The following COL21A1 variants were observed in gnomAD, a reference collection of about 807,000 sequenced individuals.
COL21A1 encodes collagen type XXI alpha 1 chain, also known as collagen alpha-1(XXI) chain.
In COL21A1, 149 loss-of-function variants were observed where a neutral mutation model predicts 137.9. The observed-to-expected ratio is 1.08, with a 90% CI of 0.95 to 1.24. The LOEUF (loss-of-function observed/expected upper bound fraction) is 1.24. Ranked by LOEUF, COL21A1 falls within the 50% of genes most tolerant of loss-of-function variation. The probability of loss-of-function intolerance (pLI) is 0.00; values close to 1 mark genes in which losing one functional copy is unlikely to be tolerated. For missense variants in COL21A1, 1,167 were observed against 1,158.4 expected (o/e 1.01, Z -0.11); for synonymous variants, 456 against 391.5 (o/e 1.16, Z -1.95).
intron 1 of COL21A1, among the ~76,000 whole-genome samples, chr6:56,215,627 C>A (rs747152701): frequency 6.6e-6 from 1 of 152,020 alleles, no homozygotes; most frequent in Non-Finnish European, 1.5e-5. Context: ...TCTCTAAAAG[C>A]AAGGATAAAT....
intron 1 of COL21A1, among the ~76,000 whole-genome samples, chr6:56,211,823 T>TA (rs1314702713): frequency 2.0e-5 from 3 of 152,104 alleles, no homozygotes; most frequent in African/African-American, 7.2e-5. Flanking sequence ...TAAGCCAGCC[T>TA]AATTAATAAA....
intron 27 of COL21A1, 68 bp from the exon 28 acceptor site, chr6:56,060,286 T>A: frequency 1.5e-6 from 2 of 1,312,706 alleles, no homozygotes; most frequent in Non-Finnish European, 2.1e-6. Flanking sequence ...ATATTTTTAA[T>A]TTTTTTCAGT....
chr6:56,309,246 G>A lies in COL21A1; in HGVS notation c.-39+84725C>T, dbSNP rs114850399. On this transcript the variant is annotated intron_variant, in intron 1 of 28. Transcript: ENST00000370819. ...AGTAGAGACAGGGTTTCACCATGTT[G>A]GCTAGGATGGTCTTATCTCCTGACC... Among the ~76,000 whole-genome samples the A allele has an allele frequency of 8.5e-3, 1,286 of 152,120 alleles. 9 individuals are homozygous for A. The highest frequency in any genetic ancestry group is 0.014 in the Non-Finnish European group (939 of 67,992).
chr6:56,343,532 ACTAT>A (rs1185054720), intron 1 of COL21A1, among the ~76,000 whole-genome samples: 2 of 152,198 alleles, frequency 1.3e-5, no homozygotes, highest in Non-Finnish European at 1.5e-5. Context: ...TGGGTGAATG[ACTAT>A]CTGTTTTTGT....
At chr6:56,120,927 C>T (rs1772448517) in intron 16 of COL21A1, among the ~76,000 whole-genome samples, 1 of 152,074 alleles carries the variant, frequency 6.6e-6, no homozygotes, top group Admixed American at 6.6e-5. Context: ...GTGTTTCTGG[C>T]AGCACTTACA....
At chr6:56,081,243 T>C (rs1582273635) in intron 17 of COL21A1, among the ~76,000 whole-genome samples, 2 of 151,718 alleles carry the variant, frequency 1.3e-5, no homozygotes, top group Non-Finnish European at 2.9e-5. Flanking sequence ...GCTTTTTCTT[T>C]TTTCTTTTTT....
chr6:56,298,465 C>G (rs1764208230), intron 1 of COL21A1, among the ~76,000 whole-genome samples: 1 of 151,910 alleles, frequency 6.6e-6, no homozygotes, highest in South Asian at 2.1e-4. Flanking sequence ...GAATCAGAAG[C>G]AGTTGAGTTT....
chr6:56,059,266 T>G, intron 28 of COL21A1, 24 bp from the exon 29 acceptor site: 4 of 1,511,138 alleles, frequency 2.6e-6, no homozygotes, highest in Non-Finnish European at 3.6e-6. Flanking sequence ...AACATCTGAG[T>G]AAGTTTACTT....
rs577810368 is a variant in COL21A1 at position 56,298,040 on chromosome 6, G to C, written c.-39+95931C>G. On this transcript the variant is annotated intron_variant, in intron 1 of 28. Transcript: ENST00000370819. ...TTAAGAGTTGTGTCAGTGTGAGCAA[G>C]CTTTTTGGTTTTCCTGGAGTTCAAT... is the stretch of plus-strand genomic sequence containing the variant. 4.0e-5 allele frequency among the ~76,000 whole-genome samples: 6 copies of C among 151,688 alleles called. No homozygotes were observed. The South Asian group carries it at 1.2e-3, about 32-fold the overall frequency.
chr6:56,136,742 T>C (rs1485065076), intron 12 of COL21A1, among the ~76,000 whole-genome samples: 1 of 152,190 alleles, frequency 6.6e-6, no homozygotes, highest in Non-Finnish European at 1.5e-5. Flanking sequence ...AGCACAGATA[T>C]ATAATTTTTA....
At position 56,148,530 on chromosome 6, in the gene COL21A1, C is replaced by G. The variant is rs554343518; in HGVS notation, c.1435-6547G>C. Reference sequence around the variant, plus strand: ...AGCTAAATAATAGCCATTTCTTTGGCCTTTAATCAGCTGTATCCCATTTTC... The same window carrying G: ...AGCTAAATAATAGCCATTTCTTTGGGCTTTAATCAGCTGTATCCCATTTTC... On this transcript the variant is annotated intron_variant, in intron 10 of 29. Coordinates refer to ENST00000244728, the MANE Select transcript of COL21A1 (RefSeq NM_030820.4). Among the ~76,000 whole-genome samples the G allele has an allele frequency of 5.3e-5, 8 of 152,206 alleles. No individual in the cohort carries two copies. The South Asian group carries it at 1.5e-3, about 28-fold the overall frequency.
In COL21A1 at chr6:56,178,765, T is replaced by G. The variant is rs1777678282; in HGVS notation, c.640+813A>C. Among the ~76,000 whole-genome samples, 3 of 152,074 alleles carry G rather than the reference T, an allele frequency of 2.0e-5. 1 individual carries two copies. The South Asian group carries it at 6.2e-4, about 31-fold the overall frequency. On this transcript the variant is annotated intron_variant, in intron 3 of 29. Coordinates refer to ENST00000244728, the MANE Select transcript of COL21A1 (RefSeq NM_030820.4). The stretch of plus-strand genomic sequence containing the variant: ...CCATACCATGCAGTTATCATGAACA[T>G]GAAGTTAGATTTTATGAAATGATAT...
At chr6:56,300,897 TC>T (rs1205712284) in intron 1 of COL21A1, among the ~76,000 whole-genome samples, 1 of 152,182 alleles carries the variant, frequency 6.6e-6, no homozygotes, top group Non-Finnish European at 1.5e-5. Context: ...ATTTACCCAA[TC>T]TAAACCTATC....
chr6:56,188,600 A>C (rs1778456509), intron 1 of COL21A1, among the ~76,000 whole-genome samples: 1 of 152,170 alleles, frequency 6.6e-6, no homozygotes, highest in African/African-American at 2.4e-5. Flanking sequence ...CTCTGAAGAG[A>C]TCAGTGGACA....
intron 3 of COL21A1, among the ~76,000 whole-genome samples, chr6:56,177,619 C>A (rs1777584555): frequency 6.6e-6 from 1 of 151,746 alleles, no homozygotes; most frequent in African/African-American, 2.4e-5. Context: ...ACGGTGAAAC[C>A]CGTTCTCTAC....
chr6:56,207,332 G>A (rs9475629), intron 1 of COL21A1, among the ~76,000 whole-genome samples: 2,245 of 151,944 alleles, frequency 0.015, 43 homozygotes, highest in African/African-American at 0.046. Flanking sequence ...ACATAGATTC[G>A]ATAAAATATG....
At chr6:56,263,604 AC>A (rs1688844729) in intron 1 of COL21A1, among the ~76,000 whole-genome samples, 1 of 152,250 alleles carries the variant, frequency 6.6e-6, no homozygotes, top group Non-Finnish European at 1.5e-5. Flanking sequence ...AACAATGCCC[AC>A]AGTCAGGGAA....
At chr6:56,277,304 CCCACGACAG>C (rs1463344102) in intron 1 of COL21A1, among the ~76,000 whole-genome samples, 3 of 152,172 alleles carry the variant, frequency 2.0e-5, no homozygotes, top group Non-Finnish European at 4.4e-5. Context: ...CTCCCCTCAA[CCCACGACAG>C]GCCCCGGTGT....
Position 56,167,001 on chromosome 6 carries a change from G to A in COL21A1, c.1201-18C>T. ...ACATCAAACTAAGAACATAAACCCA[G>A]TAGAATTAAAGTTGAGGCACAAGCT... On this transcript the variant is annotated intron_variant, in intron 6 of 29. Transcript: ENST00000244728. 6.3e-7 allele frequency: 1 copy of A among 1,595,088 alleles called. No individual in the cohort carries two copies. The highest frequency in any genetic ancestry group is 8.6e-7 in the Non-Finnish European group (1 of 1,166,878).
Sources: gnomAD v4.1 joint callset for allele counts (sites outside exome capture counted in the v4.1 genomes callset) on GRCh38, gnomAD v4.1.1 for gene constraint, MANE v1.5 for transcripts, NCBI Gene and HGNC (gene_info 2026-07-23, HGNC 2026-07-21) for gene names.